Variants in CHST9 observed in about 807,000 individuals in gnomAD.
The protein encoded by CHST9 is carbohydrate sulfotransferase 9.
CHST9 carries 41 observed loss-of-function variants against 44.4 expected under a neutral mutation model. The ratio of observed to expected loss-of-function variants is 0.92; its 90% CI spans 0.72 to 1.20. CHST9 has a LOEUF of 1.20. CHST9 is among the 50% of genes most tolerant of loss of function. The pLI, the probability that CHST9 is intolerant of heterozygous loss-of-function variation, is 0.00. For missense variants in CHST9, 504 were observed against 516.5 expected (o/e 0.98, Z 0.23); for synonymous variants, 171 against 178.4 (o/e 0.96, Z 0.33).
At chr18:27,133,355 AG>A (rs1306571460) in intron 2 of CHST9, among the ~76,000 whole-genome samples, 2 of 152,216 alleles carry the variant, frequency 1.3e-5, no homozygotes, top group East Asian at 3.8e-4. Context: ...GAAGACTTTA[AG>A]CAATTTGACA....
chr18:27,158,092 G>A (rs2058711951), intron 1 of CHST9, among the ~76,000 whole-genome samples: 1 of 151,826 alleles, frequency 6.6e-6, no homozygotes, highest in East Asian at 1.9e-4. Flanking sequence ...ACATCACAAA[G>A]TTTTTTTGTT....
At chr18:27,015,519 G>A (rs1210178231) in intron 4 of CHST9, among the ~76,000 whole-genome samples, 3 of 152,138 alleles carry the variant, frequency 2.0e-5, no homozygotes, top group African/African-American at 7.2e-5. Flanking sequence ...CTTGTTGGGA[G>A]CATCCAGTCA....
intron 2 of CHST9, among the ~76,000 whole-genome samples, chr18:27,099,581 C>T (rs1318020812): frequency 6.6e-6 from 1 of 152,042 alleles, no homozygotes; most frequent in Non-Finnish European, 1.5e-5. Context: ...CAAAAGAGTA[C>T]ATACAAGTGG....
At chr18:27,165,860 A>T (rs959310836) in intron 1 of CHST9, among the ~76,000 whole-genome samples, 3 of 152,182 alleles carry the variant, frequency 2.0e-5, no homozygotes, top group Non-Finnish European at 4.4e-5. Context: ...ACCCACATCT[A>T]AGTGCTTACA....
At chr18:27,172,906 C>T (rs1407178257) in intron 1 of CHST9, among the ~76,000 whole-genome samples, 1 of 151,614 alleles carries the variant, frequency 6.6e-6, no homozygotes, top group Non-Finnish European at 1.5e-5. Context: ...TATCATATAC[C>T]AAAAGGCACC....
At chr18:26,938,248 A>C (rs2056028273) in intron 5 of CHST9, among the ~76,000 whole-genome samples, 1 of 152,156 alleles carries the variant, frequency 6.6e-6, no homozygotes, top group Non-Finnish European at 1.5e-5. Flanking sequence ...ATTTACACTT[A>C]AGTATTTTCT....
At position 27,035,618 on chromosome 18, in the gene CHST9, CA is replaced by C. The variant is rs1255001801; in HGVS notation, c.161-11462del. 9.2e-5 allele frequency among the ~76,000 whole-genome samples: 14 copies of C among 151,654 alleles called. No homozygotes were observed. The East Asian group carries it at 9.6e-4, about 10-fold the overall frequency. On this transcript the variant is annotated intron_variant, in intron 3 of 5. Transcript: ENST00000618847. ...TACATAATGGAATATTATATAGCCT[CA>C]AAAAAAGAAGAAAATCCTGCCATTT... is the stretch of plus-strand genomic sequence containing the variant.
chr18:27,027,410 A>T (rs571221757), intron 3 of CHST9, among the ~76,000 whole-genome samples: 3 of 152,324 alleles, frequency 2.0e-5, no homozygotes, highest in Admixed American at 6.5e-5. Context: ...AGATATTTGG[A>T]TGCAAAGAAA....
rs889104193 is a variant in CHST9 at position 26,915,317 on chromosome 18, C to T, written c.*942G>A. 2 of 223,680 alleles carry T rather than the reference C, an allele frequency of 8.9e-6. No individual in the cohort carries two copies. Among genetic ancestry groups the T allele is most frequent in the African/African-American group, 4.5e-5 (2 of 44,460 alleles). The allele number at this position is 223,680 out of a possible 1,614,324, so 13.9% of individuals were successfully genotyped here. A position where few individuals can be genotyped will look rare whatever the true frequency, so the allele number is the denominator to read the frequency against. The stretch of plus-strand genomic sequence containing the variant: ...ACAAAAGCTATTCTTAGGGTGTATT[C>T]CACATATAAAGCTATGCACATGATG... On this transcript the variant is annotated 3_prime_UTR_variant, in exon 6 of 6. Transcript: ENST00000618847.
intron 2 of CHST9, among the ~76,000 whole-genome samples, chr18:27,097,009 C>T (rs1024407490): frequency 6.6e-6 from 1 of 151,976 alleles, no homozygotes; most frequent in Non-Finnish European, 1.5e-5. Flanking sequence ...CTGAAGAACA[C>T]AGATGCAAAA....
At position 26,916,081 on chromosome 18, in the gene CHST9, G is replaced by A. The variant is rs1037374602; in HGVS notation, c.*178C>T. On this transcript the variant is annotated 3_prime_UTR_variant, in exon 6 of 6. Coordinates refer to ENST00000618847, the MANE Select transcript of CHST9 (RefSeq NM_031422.6). ...ACTCAAGTTGTTTACATCTCCTGTA[G>A]GTGATTTTCCTATAACTTTGTGCCA... is the stretch of plus-strand genomic sequence containing the variant. 6 of 516,180 alleles carry A rather than the reference G, an allele frequency of 1.2e-5. No homozygotes were observed. The African/African-American group carries it at 1.2e-4, about 10-fold the overall frequency. The allele number at this position is 516,180 out of a possible 1,614,324, so 32.0% of individuals were successfully genotyped here.
chr18:27,132,722 T>G (rs946924458), intron 2 of CHST9, among the ~76,000 whole-genome samples: 4 of 152,140 alleles, frequency 2.6e-5, no homozygotes, highest in Non-Finnish European at 5.9e-5. Context: ...CCTCTGAAAT[T>G]CAGTAAGCCT....
chr18:26,926,213 G>T (rs1030191358), intron 5 of CHST9, among the ~76,000 whole-genome samples: 1 of 152,204 alleles, frequency 6.6e-6, no homozygotes, highest in Non-Finnish European at 1.5e-5. Flanking sequence ...TTTCTGTTGT[G>T]AGGCTATTCA....
chr18:27,150,539 A>AACTAAACG (rs535681456), intron 1 of CHST9, among the ~76,000 whole-genome samples: 1 of 152,200 alleles, frequency 6.6e-6, no homozygotes, highest in African/African-American at 2.4e-5. Context: ...AAAGTCTAAC[A>AACTAAACG]GGCTTACTAC....
intron 2 of CHST9, among the ~76,000 whole-genome samples, chr18:27,138,019 C>G (rs1328056287): frequency 6.6e-6 from 1 of 152,078 alleles, no homozygotes. Flanking sequence ...GCCTCCACTC[C>G]CCTCCTTCTA....
chr18:27,017,891 T>A (rs74396013), intron 4 of CHST9, among the ~76,000 whole-genome samples: 5,356 of 152,348 alleles, frequency 0.035, 307 homozygotes, highest in African/African-American at 0.12. Context: ...GTGAAACATT[T>A]TTAGAATTCT....
intron 3 of CHST9, among the ~76,000 whole-genome samples, chr18:27,028,927 A>G (rs78007958): frequency 6.6e-6 from 1 of 152,342 alleles, no homozygotes; most frequent in East Asian, 1.9e-4. Flanking sequence ...TAAAATTATT[A>G]AAACGTTTAA....
intron 2 of CHST9, among the ~76,000 whole-genome samples, chr18:27,073,277 T>C (rs8093343): frequency 0.91 from 137,506 of 151,842 alleles, 62,507 homozygotes; most frequent in African/African-American, 0.98. Flanking sequence ...GTAGTTATCC[T>C]GTTGGAATGC....
intron 3 of CHST9, among the ~76,000 whole-genome samples, chr18:27,035,733 G>A (rs1007939996): frequency 2.6e-5 from 4 of 152,072 alleles, no homozygotes; most frequent in South Asian, 2.1e-4. Context: ...TCAATTATAC[G>A]TATAATCTAA....
Sources: allele counts gnomAD v4.1 joint callset (sites outside exome capture counted in the v4.1 genomes callset), GRCh38; gene constraint gnomAD v4.1.1; transcripts MANE v1.5; gene names NCBI Gene and HGNC (gene_info 2026-07-23, HGNC 2026-07-21).